The following PLAUR variants were observed in gnomAD, a reference collection of about 807,000 sequenced individuals.
PLAUR encodes the protein urokinase plasminogen activator surface receptor.
A neutral mutation model predicts 33.4 loss-of-function variants in PLAUR; 22 were observed. That is an observed-to-expected ratio of 0.66 (90% CI 0.47 to 0.94). The LOEUF is 0.94. Ranked by LOEUF, PLAUR falls within the 40% of genes least tolerant of loss-of-function variation. The pLI is 0.00. For synonymous variants in PLAUR, 148 were observed against 167.3 expected, an observed-to-expected ratio of 0.88 and a Z score of 0.89; for missense variants, 408 against 434.7, an observed-to-expected ratio of 0.94 and a Z score of 0.55.
Position 43,668,223 on chromosome 19 carries a change from C to G in PLAUR, c.56-532G>C, listed in dbSNP as rs141135499. On this transcript the variant is annotated intron_variant, in intron 1 of 6. Transcript: ENST00000340093. ...GCCTCTCCCGGCCCACTAATTTATT[C>G]CCAAATTCTAGGCCCGGCCCCATCA... 3.6e-4 allele frequency: 351 copies of G among 987,336 alleles called. 5 individuals are homozygous for G. In the East Asian group the frequency reaches 0.032, roughly 89 times the overall value. 61.2% of individuals were successfully genotyped at this position (987,336 alleles called of 1,614,324 possible).
intron 3 of PLAUR, among the ~76,000 whole-genome samples, chr19:43,659,167 C>CTTTTTTTCTTTTTTT (rs1555780395): frequency 3.1e-5 from 3 of 97,136 alleles, no homozygotes; most frequent in African/African-American, 1.2e-4. Flanking sequence ...CTTTTCTTTT[C>CTTTTTTTCTTTTTTT]TTTTTTTTTT....
intron 6 of PLAUR, among the ~76,000 whole-genome samples, chr19:43,651,228 G>A (rs1973981401): frequency 6.6e-6 from 1 of 151,418 alleles, no homozygotes; most frequent in Non-Finnish European, 1.5e-5. Flanking sequence ...ATAGGCATGT[G>A]CCACCATGCC....
intron 3 of PLAUR, chr19:43,661,429 C>T (rs1177964889): frequency 8.6e-5 from 13 of 151,560 alleles, no homozygotes; most frequent in South Asian, 2.1e-4. Context: ...TGGAGTCTCG[C>T]GCTGTCGCCC....
At position 43,668,892 on chromosome 19, in the gene PLAUR, A is replaced by G. The variant is rs145982727; in HGVS notation, c.55+1174T>C. 3.0e-3 allele frequency among the ~76,000 whole-genome samples: 449 copies of G among 149,892 alleles called. 1 individual carries two copies. Among genetic ancestry groups the G allele is most frequent in the African/African-American group, 0.011 (433 of 40,686 alleles). Reference sequence around the variant, plus strand: ...TAACCTCTCCCGTAGCTCTTCCTTGAGGTTCCAGCCCCGCCCTCTGGCTCC... The same window carrying G: ...TAACCTCTCCCGTAGCTCTTCCTTGGGGTTCCAGCCCCGCCCTCTGGCTCC... On this transcript the variant is annotated intron_variant, in intron 1 of 6. Coordinates refer to ENST00000340093, the MANE Select transcript of PLAUR (RefSeq NM_002659.4).
intron 4 of PLAUR, 78 bp from the exon 5 acceptor site, chr19:43,655,651 G>T: frequency 7.5e-7 from 1 of 1,325,578 alleles, no homozygotes; most frequent in Non-Finnish European, 1.0e-6. Context: ...GAAATAGCAG[G>T]CATTCAACCA....
intron 6 of PLAUR, 104 bp downstream of exon 6, chr19:43,652,121 A>T: frequency 6.5e-7 from 1 of 1,549,500 alleles, no homozygotes; most frequent in Non-Finnish European, 8.7e-7. Flanking sequence ...CCTTTTCCAC[A>T]GGGAGACCCA....
intron 4 of PLAUR, among the ~76,000 whole-genome samples, chr19:43,656,026 G>A (rs1057029943): frequency 2.0e-5 from 3 of 152,130 alleles, no homozygotes; most frequent in East Asian, 1.9e-4. Context: ...AGGTTGAGGC[G>A]GGTGGATCAC....
downstream of PLAUR, among the ~76,000 whole-genome samples, chr19:43,647,436 G>T (rs559038976): frequency 1.3e-5 from 2 of 152,238 alleles, no homozygotes; most frequent in African/African-American, 4.8e-5. Flanking sequence ...CAAAATAGTT[G>T]CAACCTTTGA....
At position 43,648,974 on chromosome 19, in the gene PLAUR, A is replaced by C; in HGVS notation, c.924T>G (p.Pro308=). Reference sequence around the variant, plus strand: ...GGCTGAGATGGGCAGGGCCAGGCTGAGGAGCAGCCCCACTGCGGTACTGGA... The same window carrying C: ...GGCTGAGATGGGCAGGGCCAGGCTGCGGAGCAGCCCCACTGCGGTACTGGA... ...LDVQYRSGAA[P]QPGPAHLSLT... is the part of the protein sequence containing the mutation. Residue 308 remains proline, a synonymous_variant, in exon 7 of 7, where the codon CCT becomes CCG. Transcript: ENST00000340093. 1 of 1,613,964 alleles carries C rather than the reference A, an allele frequency of 6.2e-7. No homozygotes were observed. Among genetic ancestry groups the C allele is most frequent in the Non-Finnish European group, 8.5e-7 (1 of 1,179,948 alleles).
chr19:43,667,372 C>T, intron 2 of PLAUR: 1 of 586,182 alleles, frequency 1.7e-6, no homozygotes, highest in South Asian at 2.0e-5. Context: ...ATTTACTCCC[C>T]CACCACAGAC....
intron 3 of PLAUR, among the ~76,000 whole-genome samples, chr19:43,663,520 G>A (rs1464382195): frequency 2.0e-5 from 3 of 152,070 alleles, no homozygotes; most frequent in Non-Finnish European, 1.5e-5. Flanking sequence ...GGTGGCTCAC[G>A]TCTGTAATCC....
chr19:43,665,479 A>G lies in PLAUR; in HGVS notation c.167-20T>C. Reference sequence around the variant, plus strand: ...CTCCTTCTGCAAGGAGGGGATCTTCATTACCCCAGAGGCTCCTCTCAGCTC... The same window carrying G: ...CTCCTTCTGCAAGGAGGGGATCTTCGTTACCCCAGAGGCTCCTCTCAGCTC... On this transcript the variant is annotated intron_variant, in intron 2 of 6. Coordinates refer to ENST00000340093, the MANE Select transcript of PLAUR (RefSeq NM_002659.4). 6.2e-7 allele frequency: 1 copy of G among 1,611,114 alleles called. No individual in the cohort carries two copies. The highest frequency in any genetic ancestry group is 8.5e-7 in the Non-Finnish European group (1 of 1,179,266).
chr19:43,669,354 G>A (rs1967419179), intron 1 of PLAUR, among the ~76,000 whole-genome samples: 1 of 152,134 alleles, frequency 6.6e-6, no homozygotes, highest in Non-Finnish European at 1.5e-5. Flanking sequence ...GCGCTGGGGG[G>A]CGCTGCAGGG....
rs1009848440 is a variant in PLAUR, at chr19:43,668,168, TCA to T, written c.56-479_56-478del. ...TGCCCTAATGGAACTATCCCTCCACTCACTCCCCCTGGTTCTACCCGGCTCCA... is the reference window on the plus strand; with the variant it reads ...TGCCCTAATGGAACTATCCCTCCACTCTCCCCCTGGTTCTACCCGGCTCCA... On this transcript the variant is annotated intron_variant, in intron 1 of 6. Transcript: ENST00000340093. 60 of 989,192 alleles carry T rather than the reference TCA, an allele frequency of 6.1e-5. No individual in the cohort carries two copies. The African/African-American group carries it at 1.0e-3, about 17-fold the overall frequency. 61.3% of individuals were successfully genotyped at this position (989,192 alleles called of 1,614,324 possible). A position where few individuals can be genotyped will look rare whatever the true frequency, so the allele number is the denominator to read the frequency against.
chr19:43,649,165 T>C, intron 6 of PLAUR, 22 bp from the exon 7 acceptor site: 1 of 1,597,408 alleles, frequency 6.3e-7, no homozygotes, highest in Non-Finnish European at 8.6e-7. Context: ...GAAGACGGAG[T>C]GAGACTTCCA....
chr19:43,669,956 G>A, intron 1 of PLAUR, 110 bp downstream of exon 1: 2 of 972,416 alleles, frequency 2.1e-6, no homozygotes, highest in Non-Finnish European at 3.2e-6. Flanking sequence ...TATTTGATTA[G>A]GGAGGATGCT....
At position 43,652,460 on chromosome 19, in the gene PLAUR, G is replaced by C. The variant is rs1045006477; in HGVS notation, c.608-89C>G. 5 of 1,291,168 alleles carry C rather than the reference G, an allele frequency of 3.9e-6. No homozygotes were observed. In the African/African-American group the frequency reaches 5.9e-5, roughly 15 times the overall value. The allele number at this position is 1,291,168 out of a possible 1,614,324, so 80.0% of individuals were successfully genotyped here. A position where few individuals can be genotyped will look rare whatever the true frequency, so the allele number is the denominator to read the frequency against. ...ATGACCTCCCCAGGACTTCCACTCC[G>C]AGCCAGAGATGTCATGGAGCCACCT... is the stretch of plus-strand genomic sequence containing the variant. On this transcript the variant is annotated intron_variant, in intron 5 of 6. Coordinates refer to ENST00000340093, the MANE Select transcript of PLAUR (RefSeq NM_002659.4).
At chr19:43,665,138 G>A (rs763300968) in intron 3 of PLAUR, 178 bp downstream of exon 3, 20 of 626,040 alleles carry the variant, frequency 3.2e-5, no homozygotes, top group Non-Finnish European at 5.4e-5. Flanking sequence ...TTGGATATGG[G>A]GTCAAGAATG....
intron 3 of PLAUR, among the ~76,000 whole-genome samples, chr19:43,661,778 CAGA>C (rs1186394122): frequency 7.9e-5 from 12 of 152,160 alleles, no homozygotes; most frequent in Non-Finnish European, 1.8e-4. Context: ...CTGTCATTGG[CAGA>C]AGGGTTGGTC....
Sources: gnomAD v4.1 joint callset for allele counts (sites outside exome capture counted in the v4.1 genomes callset) on GRCh38, gnomAD v4.1.1 for gene constraint, MANE v1.5 for transcripts, NCBI Gene and HGNC (gene_info 2026-07-23, HGNC 2026-07-21) for gene names.